NUBPL: variants seen among roughly 807,000 people sequenced by gnomAD.
NUBPL encodes NUBP iron-sulfur cluster assembly factor, mitochondrial, also known as iron-sulfur cluster transfer protein NUBPL.
Under a neutral mutation model 45.7 loss-of-function variants are expected in NUBPL, and 31 were observed. The observed-to-expected ratio is 0.68, with a 90% CI of 0.51 to 0.92. The LOEUF (loss-of-function observed/expected upper bound fraction) is 0.92, where lower values mean the gene tolerates loss of function less well. Among genes scored for constraint, NUBPL ranks in the 40% least tolerant of loss-of-function variants. The probability of loss-of-function intolerance (pLI) is 0.00; values close to 1 mark genes in which losing one functional copy is unlikely to be tolerated. For missense variants in NUBPL, 401 were observed against 398.7 expected (o/e 1.01, Z -0.05); for synonymous variants, 144 against 140.9 (o/e 1.02, Z -0.15).
intron 6 of NUBPL, among the ~76,000 whole-genome samples, chr14:31,710,260 T>G (rs1373809650): frequency 1.3e-5 from 2 of 152,128 alleles, no homozygotes; most frequent in Non-Finnish European, 2.9e-5. Context: ...CCCGCAGATT[T>G]GGTTTGTTTG....
intron 4 of NUBPL, among the ~76,000 whole-genome samples, chr14:31,658,015 T>A (rs1416717036): frequency 6.6e-6 from 1 of 152,286 alleles, no homozygotes; most frequent in East Asian, 1.9e-4. Flanking sequence ...CTAAAAGATA[T>A]GTCAGAACAA....
intron 4 of NUBPL, among the ~76,000 whole-genome samples, chr14:31,636,989 G>T (rs1007001160): frequency 1.3e-4 from 20 of 151,858 alleles, no homozygotes; most frequent in African/African-American, 4.3e-4. Flanking sequence ...CTTTTTTTCT[G>T]TATTAGTCTT....
chr14:31,859,496 A>G lies in NUBPL; in HGVS notation c.*316A>G, dbSNP rs2040678756. The stretch of plus-strand genomic sequence containing the variant: ...AGTCCATTTTGGGAGAGAACTGTAC[A>G]CTTTTTGCAGGACCACAGAATTAGT... On this transcript the variant is annotated 3_prime_UTR_variant, in exon 11 of 11. Coordinates refer to ENST00000281081, the MANE Select transcript of NUBPL (RefSeq NM_025152.3). 6 of 380,192 alleles carry G rather than the reference A, an allele frequency of 1.6e-5. No homozygotes were observed. The highest frequency in any genetic ancestry group is 1.4e-4 in the South Asian group (6 of 42,848). The allele number at this position is 380,192 out of a possible 1,614,324, so 23.6% of individuals were successfully genotyped here.
At chr14:31,727,457 C>T (rs74521606) in intron 6 of NUBPL, among the ~76,000 whole-genome samples, 5,455 of 152,224 alleles carry the variant, frequency 0.036, 130 homozygotes, top group African/African-American at 0.075. Context: ...ACAAAGACAT[C>T]ATAAGGTATA....
chr14:31,769,312 G>A (rs926950828), intron 6 of NUBPL, among the ~76,000 whole-genome samples: 1 of 152,140 alleles, frequency 6.6e-6, no homozygotes, highest in Non-Finnish European at 1.5e-5. Flanking sequence ...ACATTCCTCA[G>A]ATAAAAGTTA....
intron 6 of NUBPL, among the ~76,000 whole-genome samples, chr14:31,739,373 C>A (rs1250812125): frequency 6.6e-6 from 1 of 151,372 alleles, no homozygotes; most frequent in Non-Finnish European, 1.5e-5. Flanking sequence ...GCATGAGCCA[C>A]CGTGCCTGGC....
intron 6 of NUBPL, among the ~76,000 whole-genome samples, chr14:31,760,273 C>G (rs1377219056): frequency 6.6e-6 from 1 of 151,598 alleles, no homozygotes; most frequent in Non-Finnish European, 1.5e-5. Context: ...CCCACCTTAG[C>G]CTCCTGAGTA....
intron 6 of NUBPL, among the ~76,000 whole-genome samples, chr14:31,689,932 GTT>G (rs34845208): frequency 2.7e-4 from 40 of 146,258 alleles, no homozygotes; most frequent in South Asian, 4.4e-4. Flanking sequence ...TTTCCCCATT[GTT>G]TTTTTTTTTT....
intron 10 of NUBPL, among the ~76,000 whole-genome samples, chr14:31,855,497 T>C (rs1393305846): frequency 6.6e-6 from 1 of 152,200 alleles, no homozygotes; most frequent in Admixed American, 6.5e-5. Context: ...AAATAACTCC[T>C]GGTTTCATCA....
chr14:31,815,885 C>T (rs1021187819), intron 7 of NUBPL, among the ~76,000 whole-genome samples: 14 of 152,204 alleles, frequency 9.2e-5, no homozygotes, highest in South Asian at 6.2e-4. Flanking sequence ...GGGATGAAGC[C>T]GACTTGATAA....
chr14:31,772,590 G>A lies in NUBPL; in HGVS notation c.514-15190G>A, dbSNP rs150885163. ...GTGGGCTAGCTGGGGAACTGATAATGTTTTAAATATTAGTTCAGAAAATAG... is the reference window on the plus strand; with the variant it reads ...GTGGGCTAGCTGGGGAACTGATAATATTTTAAATATTAGTTCAGAAAATAG... On this transcript the variant is annotated intron_variant, in intron 6 of 10. Coordinates refer to ENST00000281081, the MANE Select transcript of NUBPL (RefSeq NM_025152.3). Among the ~76,000 whole-genome samples, 7 of 152,288 alleles carry A rather than the reference G, an allele frequency of 4.6e-5. No individual in the cohort carries two copies. The East Asian group carries it at 1.2e-3, about 25-fold the overall frequency.
In NUBPL at chr14:31,767,276, C is replaced by T. The variant is rs185486840; in HGVS notation, c.514-20504C>T. 3.0e-3 allele frequency among the ~76,000 whole-genome samples: 464 copies of T among 152,286 alleles called. 4 individuals carry two copies. The highest frequency in any genetic ancestry group is 4.1e-3 in the Non-Finnish European group (278 of 68,024). On this transcript the variant is annotated intron_variant, in intron 6 of 10. Transcript: ENST00000281081. ...GGAGTGCAGTGGCGCGATCTCGGCT[C>T]ACTGCAAGCTCTGCCTCCCGGGTTC...
At chr14:31,739,183 T>A (rs12436876) in intron 6 of NUBPL, among the ~76,000 whole-genome samples, 42,611 of 144,220 alleles carry the variant, frequency 0.3, 7,137 homozygotes, top group South Asian at 0.41. Context: ...CTGGCTAATA[T>A]ATATATATAT....
chr14:31,650,598 G>T (rs1379069464), intron 4 of NUBPL, among the ~76,000 whole-genome samples: 1 of 151,960 alleles, frequency 6.6e-6, no homozygotes, highest in Non-Finnish European at 1.5e-5. Flanking sequence ...CCCAGGAATG[G>T]CTTTCATTGA....
intron 6 of NUBPL, among the ~76,000 whole-genome samples, chr14:31,717,505 G>T (rs2139940741): frequency 6.6e-6 from 1 of 152,292 alleles, no homozygotes; most frequent in South Asian, 2.1e-4. Context: ...CTCTGTGGTA[G>T]ACCCACATTT....
chr14:31,650,840 T>C (rs556602502), intron 4 of NUBPL, among the ~76,000 whole-genome samples: 2 of 152,274 alleles, frequency 1.3e-5, no homozygotes, highest in African/African-American at 2.4e-5. Flanking sequence ...AGGCTGCTTC[T>C]ACTCATGGTA....
chr14:31,631,696 T>C (rs61995636), intron 4 of NUBPL, among the ~76,000 whole-genome samples: 3,049 of 152,056 alleles, frequency 0.02, 40 homozygotes, highest in Admixed American at 0.028. Flanking sequence ...CAAGTCCACG[T>C]CCAAAGGCAG....
chr14:31,713,597 T>C (rs1295576370), intron 6 of NUBPL, among the ~76,000 whole-genome samples: 1 of 152,230 alleles, frequency 6.6e-6, no homozygotes, highest in Non-Finnish European at 1.5e-5. Flanking sequence ...GATGTCCTTT[T>C]AAGTGGCATG....
intron 10 of NUBPL, among the ~76,000 whole-genome samples, chr14:31,858,265 C>T (rs1485886565): frequency 6.6e-6 from 1 of 152,168 alleles, no homozygotes; most frequent in African/African-American, 2.4e-5. Context: ...CTACTGGGTT[C>T]CTTCCACAAC....
Sources: allele counts gnomAD v4.1 joint callset (sites outside exome capture counted in the v4.1 genomes callset), GRCh38; gene constraint gnomAD v4.1.1; transcripts MANE v1.5; gene names NCBI Gene and HGNC (gene_info 2026-07-23, HGNC 2026-07-21).